PRKN: variants seen among roughly 807,000 people sequenced by gnomAD.
PRKN encodes the protein E3 ubiquitin-protein ligase parkin.
In PRKN, 56 loss-of-function variants were observed where a neutral mutation model predicts 59.5. The ratio of observed to expected loss-of-function variants is 0.94; its 90% CI spans 0.76 to 1.18. The LOEUF is 1.18. PRKN is among the 50% of genes most tolerant of loss of function. The pLI, the probability that PRKN is intolerant of heterozygous loss-of-function variation, is 0.00. For synonymous variants in PRKN, 250 were observed against 222.1 expected, an observed-to-expected ratio of 1.13 and a Z score of -1.12; for missense variants, 657 against 596.4, an observed-to-expected ratio of 1.10 and a Z score of -1.06.
At chr6:162,469,250 G>A (rs943768030) in intron 1 of PRKN, among the ~76,000 whole-genome samples, 4 of 149,636 alleles carry the variant, frequency 2.7e-5, no homozygotes, top group Non-Finnish European at 5.9e-5. Context: ...GGAGGCGGTC[G>A]AGATGGACAC....
In PRKN at chr6:161,579,620, G is replaced by A. The variant is rs186672888; in HGVS notation, c.872-10204C>T. Among the ~76,000 whole-genome samples the A allele has an allele frequency of 1.4e-4, 22 of 151,916 alleles. 1 individual carries two copies. In the East Asian group the frequency reaches 3.9e-3, roughly 27 times the overall value. ...GGAAAATAAATCATATCCAAAACCA[G>A]TATTAAATAAATATAAGTCATCGGA... On this transcript the variant is annotated intron_variant, in intron 7 of 11. Transcript: ENST00000366898. The surrounding 1 kb of genome is among the most constrained non-coding windows in gnomAD (Gnocchi z 4.2).
At chr6:161,729,799 T>A (rs955520094) in intron 7 of PRKN, among the ~76,000 whole-genome samples, 1 of 152,270 alleles carries the variant, frequency 6.6e-6, no homozygotes, top group Admixed American at 6.5e-5. Context: ...ACATGCTGCA[T>A]TCTTCCTGAT....
intron 4 of PRKN, among the ~76,000 whole-genome samples, chr6:162,080,423 G>T (rs1186769572): frequency 6.6e-6 from 1 of 152,122 alleles, no homozygotes. Flanking sequence ...TGGAGATACT[G>T]TGGGTTCAGT....
At chr6:161,994,242 G>GAA (rs756877636) in intron 5 of PRKN, among the ~76,000 whole-genome samples, 28 of 138,000 alleles carry the variant, frequency 2.0e-4, no homozygotes, top group Non-Finnish European at 2.8e-4. Flanking sequence ...ATGGTGTGCA[G>GAA]AAAAAAAAAA....
At chr6:161,750,304 C>A (rs111329397) in intron 7 of PRKN, among the ~76,000 whole-genome samples, 1,775 of 152,044 alleles carry the variant, frequency 0.012, 20 homozygotes, top group Middle Eastern at 0.058. Context: ...ACACTTATTC[C>A]CAAGGGAAAT....
At chr6:162,531,481 A>G (rs552807730) in intron 1 of PRKN, among the ~76,000 whole-genome samples, 1 of 152,198 alleles carries the variant, frequency 6.6e-6, no homozygotes, top group South Asian at 2.1e-4. Context: ...GGTGGGGGGA[A>G]GCCAGTGAGC....
intron 7 of PRKN, among the ~76,000 whole-genome samples, chr6:161,604,482 G>T (rs925564685): frequency 9.9e-5 from 15 of 152,152 alleles, no homozygotes; most frequent in Admixed American, 3.9e-4. Context: ...AACTCCCTAG[G>T]CCTTTAGGGC....
chr6:162,404,513 G>C (rs1055370105), intron 2 of PRKN, among the ~76,000 whole-genome samples: 1 of 152,002 alleles, frequency 6.6e-6, no homozygotes, highest in Non-Finnish European at 1.5e-5. Context: ...ATTCCAAATA[G>C]TACACTCATA....
chr6:161,439,172 G>A (rs534084936), intron 9 of PRKN, among the ~76,000 whole-genome samples: 1 of 152,342 alleles, frequency 6.6e-6, no homozygotes, highest in African/African-American at 2.4e-5. Context: ...CTGCGATGCC[G>A]CAGCTGAAAG....
chr6:162,273,873 A>G (rs970134863), intron 2 of PRKN, among the ~76,000 whole-genome samples: 2 of 152,154 alleles, frequency 1.3e-5, no homozygotes, highest in East Asian at 3.9e-4. Context: ...TATCAATATC[A>G]CTACCCACTT....
At chr6:162,448,581 C>T (rs1380398104) in intron 1 of PRKN, among the ~76,000 whole-genome samples, 1 of 152,052 alleles carries the variant, frequency 6.6e-6, no homozygotes, top group African/African-American at 2.4e-5. Context: ...GCCAGAGAAA[C>T]CCTTCTGGTT....
chr6:161,997,299 A>T (rs570771068), intron 5 of PRKN, among the ~76,000 whole-genome samples: 1 of 152,236 alleles, frequency 6.6e-6, no homozygotes, highest in African/African-American at 2.4e-5. Context: ...GAGAGGTACA[A>T]ACTACAACCT....
intron 6 of PRKN, among the ~76,000 whole-genome samples, chr6:161,790,037 C>T (rs556299869): frequency 1.5e-4 from 23 of 152,132 alleles, no homozygotes; most frequent in African/African-American, 5.1e-4. Context: ...AATCACAGGG[C>T]GTAGTTGAGA....
At chr6:161,964,527 T>C (rs140607267) in intron 6 of PRKN, among the ~76,000 whole-genome samples, 1 of 152,030 alleles carries the variant, frequency 6.6e-6, no homozygotes, top group Admixed American at 6.5e-5. Context: ...CTAGAAGATA[T>C]ATCTTTGAAG....
At chr6:161,853,606 T>C (rs1793523192) in intron 6 of PRKN, among the ~76,000 whole-genome samples, 1 of 152,236 alleles carries the variant, frequency 6.6e-6, no homozygotes, top group Non-Finnish European at 1.5e-5. Flanking sequence ...CTAGGAATAC[T>C]GTCAGTTTGC....
intron 2 of PRKN, among the ~76,000 whole-genome samples, chr6:162,378,331 C>T (rs999002377): frequency 2.6e-5 from 4 of 152,190 alleles, no homozygotes; most frequent in South Asian, 4.1e-4. Flanking sequence ...TCAGTCTAAT[C>T]GAAGATCATA....
At chr6:162,267,505 A>G (rs1400477154) in intron 2 of PRKN, among the ~76,000 whole-genome samples, 2 of 152,238 alleles carry the variant, frequency 1.3e-5, no homozygotes, top group Non-Finnish European at 2.9e-5. Context: ...AGGCTACCTT[A>G]GAGCAGAAAC....
intron 7 of PRKN, among the ~76,000 whole-genome samples, chr6:161,571,825 C>T (rs554267368): frequency 6.6e-6 from 1 of 152,214 alleles, no homozygotes; most frequent in Non-Finnish European, 1.5e-5. Flanking sequence ...GGGCAGGCAT[C>T]GTCCCATCCA....
chr6:161,658,641 CA>C (rs1784442186), intron 7 of PRKN, among the ~76,000 whole-genome samples: 1 of 152,128 alleles, frequency 6.6e-6, no homozygotes, highest in Non-Finnish European at 1.5e-5. Flanking sequence ...AGCTTGGGGA[CA>C]TGCGAAATAA....
Sources: allele counts gnomAD v4.1 joint callset (sites outside exome capture counted in the v4.1 genomes callset), GRCh38; gene constraint gnomAD v4.1.1; non-coding constraint Gnocchi (gnomAD v3.1); transcripts MANE v1.5; gene names NCBI Gene and HGNC (gene_info 2026-07-23, HGNC 2026-07-21).